KCND3: variants seen among roughly 807,000 people sequenced by gnomAD.
KCND3 encodes the protein potassium voltage-gated channel subfamily D member 3, also known as A-type voltage-gated potassium channel KCND3.
In KCND3, 9 loss-of-function variants were observed where a neutral mutation model predicts 51.1. The observed-to-expected ratio is 0.18, with a 90% confidence interval of 0.11 to 0.31. KCND3 has a LOEUF of 0.31. Ranked by LOEUF, KCND3 falls within the 10% of genes least tolerant of loss-of-function variation. The pLI is 1.00. For missense variants in KCND3, 526 were observed against 903.8 expected (o/e 0.58, Z 5.36); for synonymous variants, 349 against 368.0 (o/e 0.95, Z 0.59).
intron 2 of KCND3, among the ~76,000 whole-genome samples, chr1:111,969,226 T>A (rs1674191567): frequency 6.6e-6 from 1 of 152,166 alleles, no homozygotes. Context: ...GACTCTGACC[T>A]TCCCTTTGTC....
chr1:111,927,235 T>A (rs1671745943), intron 2 of KCND3, among the ~76,000 whole-genome samples: 1 of 152,170 alleles, frequency 6.6e-6, no homozygotes, highest in Non-Finnish European at 1.5e-5. Context: ...CAGTGGGGGC[T>A]ATGGGGTGCC....
At chr1:111,833,245 T>C (rs1319743056) in intron 2 of KCND3, among the ~76,000 whole-genome samples, 5 of 152,256 alleles carry the variant, frequency 3.3e-5, no homozygotes, top group African/African-American at 1.2e-4. Flanking sequence ...GGCCCAATTA[T>C]GGTGCCCAGT....
At chr1:111,857,074 A>G (rs778078266) in intron 2 of KCND3, among the ~76,000 whole-genome samples, 1 of 152,146 alleles carries the variant, frequency 6.6e-6, no homozygotes, top group Non-Finnish European at 1.5e-5. Context: ...GCCTCCACCC[A>G]GTTCCTGGAC....
At chr1:111,913,632 C>G (rs1191863137) in intron 2 of KCND3, among the ~76,000 whole-genome samples, 1 of 152,174 alleles carries the variant, frequency 6.6e-6, no homozygotes, top group Non-Finnish European at 1.5e-5. Flanking sequence ...TAAAATAGGG[C>G]TGTGTGTATT....
intron 2 of KCND3, among the ~76,000 whole-genome samples, chr1:111,887,318 C>T (rs1669613877): frequency 6.6e-6 from 1 of 152,094 alleles, no homozygotes; most frequent in East Asian, 1.9e-4. Context: ...ACAACTCTGG[C>T]AGGGTGCGGG....
At chr1:111,795,597 T>G (rs1378832893) in intron 2 of KCND3, among the ~76,000 whole-genome samples, 1 of 152,238 alleles carries the variant, frequency 6.6e-6, no homozygotes, top group Non-Finnish European at 1.5e-5. Flanking sequence ...CGTTCTGCTT[T>G]CTCGCTGGAG....
intron 2 of KCND3, among the ~76,000 whole-genome samples, chr1:111,850,378 A>AC (rs1040147192): frequency 2.0e-5 from 3 of 151,554 alleles, no homozygotes; most frequent in East Asian, 2.0e-4. Context: ...CTGAGCCTCT[A>AC]CCCCCTCGGG....
chr1:111,942,721 C>T (rs1179481239), intron 2 of KCND3, among the ~76,000 whole-genome samples: 4 of 152,108 alleles, frequency 2.6e-5, no homozygotes, highest in Non-Finnish European at 4.4e-5. Context: ...AACCAAGACA[C>T]AGGGTGAGAT....
chr1:111,888,572 C>T (rs1233064476), intron 2 of KCND3, among the ~76,000 whole-genome samples: 2 of 151,146 alleles, frequency 1.3e-5, no homozygotes, highest in African/African-American at 4.9e-5. Flanking sequence ...ATCCCAGCTA[C>T]TCGGGAGGCT....
intron 2 of KCND3, among the ~76,000 whole-genome samples, chr1:111,884,033 G>A (rs1669455983): frequency 6.6e-6 from 1 of 152,206 alleles, no homozygotes; most frequent in Admixed American, 6.5e-5. Flanking sequence ...TACACAGGCT[G>A]CCTCTTGTAG....
chr1:111,886,364 T>C (rs1189018800), intron 2 of KCND3, among the ~76,000 whole-genome samples: 2 of 152,182 alleles, frequency 1.3e-5, no homozygotes, highest in Non-Finnish European at 2.9e-5. Context: ...GACAAGTGTG[T>C]ACAAAGAACA....
At chr1:111,883,780 C>T (rs545636235) in intron 2 of KCND3, among the ~76,000 whole-genome samples, 2 of 152,338 alleles carry the variant, frequency 1.3e-5, no homozygotes, top group Admixed American at 1.3e-4. Flanking sequence ...TCAGATTCTG[C>T]ACGTCTGATA....
At chr1:111,878,795 C>T (rs1190770441) in intron 2 of KCND3, among the ~76,000 whole-genome samples, 2 of 152,182 alleles carry the variant, frequency 1.3e-5, no homozygotes, top group African/African-American at 2.4e-5. Context: ...TATGTGTTGA[C>T]TTGGCTAGGT....
At chr1:111,888,621 G>A (rs532213521) in intron 2 of KCND3, among the ~76,000 whole-genome samples, 1 of 147,782 alleles carries the variant, frequency 6.8e-6, no homozygotes, top group East Asian at 2.0e-4. Context: ...GGCAGAGGTT[G>A]CAGTGAGCCA....
In KCND3 at chr1:111,897,248, G is replaced by A. The variant is rs374089358; in HGVS notation, c.1106+84373C>T. 1.9e-3 allele frequency among the ~76,000 whole-genome samples: 291 copies of A among 152,318 alleles called. 1 individual carries two copies. The highest frequency in any genetic ancestry group is 6.6e-3 in the African/African-American group (276 of 41,564). ...TGTGACAGTCCAACAGTCCCAGGGC[G>A]GCCTGCCTCTCTGCACCCTGGTGGT... On this transcript the variant is annotated intron_variant, in intron 2 of 7. Coordinates refer to ENST00000302127, the MANE Select transcript of KCND3 (RefSeq NM_001378969.1).
chr1:111,940,278 G>A (rs1223901103), intron 2 of KCND3, among the ~76,000 whole-genome samples: 1 of 151,688 alleles, frequency 6.6e-6, no homozygotes, highest in Non-Finnish European at 1.5e-5. Context: ...TGTTTTTGGT[G>A]TTTTGGTCAT....
intron 5 of KCND3, among the ~76,000 whole-genome samples, chr1:111,778,849 A>T (rs903935282): frequency 6.6e-6 from 1 of 151,964 alleles, no homozygotes; most frequent in Non-Finnish European, 1.5e-5. Context: ...TCAGCATTCC[A>T]TCCCTTCAAT....
rs114078896 is a variant in KCND3 at position 111,950,462 on chromosome 1, C to T, written c.1106+31159G>A. Among the ~76,000 whole-genome samples, 516 of 152,322 alleles carry T rather than the reference C, an allele frequency of 3.4e-3. 4 individuals are homozygous for T. The highest frequency in any genetic ancestry group is 0.012 in the African/African-American group (481 of 41,564). ...CACTCCCTGAGGACCGGCACCTGAC[C>T]GTGCTCTCCCCTCGATCCAGCCCGC... On this transcript the variant is annotated intron_variant, in intron 2 of 7. Transcript: ENST00000302127.
chr1:111,945,672 C>T (rs988174631), intron 2 of KCND3, among the ~76,000 whole-genome samples: 2 of 152,244 alleles, frequency 1.3e-5, no homozygotes, highest in Non-Finnish European at 2.9e-5. Flanking sequence ...TTCCAGGGCT[C>T]TTGCCTCAGC....
Sources: gnomAD v4.1 joint callset for allele counts (sites outside exome capture counted in the v4.1 genomes callset) on GRCh38, gnomAD v4.1.1 for gene constraint, MANE v1.5 for transcripts, NCBI Gene and HGNC (gene_info 2026-07-23, HGNC 2026-07-21) for gene names.